UBXN7: variants seen among roughly 807,000 people sequenced by gnomAD.
UBXN7 encodes the protein UBX domain protein 7, also known as UBX domain-containing protein 7.
A neutral mutation model predicts 58.0 loss-of-function variants in UBXN7; 9 were observed. That is an observed-to-expected ratio of 0.16 (90% confidence interval 0.09 to 0.27). UBXN7 has a LOEUF of 0.27. Ranked by LOEUF, UBXN7 falls within the 10% of genes least tolerant of loss-of-function variation. The probability of loss-of-function intolerance (pLI) is 1.00; values close to 1 mark genes in which losing one functional copy is unlikely to be tolerated. For synonymous variants in UBXN7, 208 were observed against 205.0 expected (o/e 1.01, Z -0.12); for missense variants, 328 against 599.6 (o/e 0.55, Z 4.73).
chr3:196,401,298 T>TATACACACAC (rs1269101481), intron 3 of UBXN7, among the ~76,000 whole-genome samples: 6 of 61,688 alleles, frequency 9.7e-5, no homozygotes, highest in African/African-American at 5.2e-4. Flanking sequence ...TATATATATA[T>TATACACACAC]ACACACACAC....
intron 1 of UBXN7, among the ~76,000 whole-genome samples, chr3:196,428,831 A>G (rs1467304039): frequency 6.6e-6 from 1 of 151,742 alleles, no homozygotes; most frequent in Non-Finnish European, 1.5e-5. Flanking sequence ...CTCAAAAAAA[A>G]AAAAAAAAGT....
intron 5 of UBXN7, among the ~76,000 whole-genome samples, chr3:196,381,382 T>G (rs1560226312): frequency 6.6e-6 from 1 of 152,224 alleles, no homozygotes; most frequent in Non-Finnish European, 1.5e-5. Context: ...CCAACAGACC[T>G]ACAGCTGAGG....
intron 8 of UBXN7, among the ~76,000 whole-genome samples, chr3:196,365,184 T>C (rs1328275923): frequency 6.7e-6 from 1 of 148,672 alleles, no homozygotes; most frequent in Non-Finnish European, 1.5e-5. Flanking sequence ...CGAAAAATTA[T>C]AGAATTAAAT....
intron 3 of UBXN7, among the ~76,000 whole-genome samples, chr3:196,395,321 A>G (rs1423928270): frequency 1.3e-5 from 2 of 152,078 alleles, no homozygotes; most frequent in African/African-American, 2.4e-5. Flanking sequence ...CATATTAAAA[A>G]CTTCATTTTT....
chr3:196,388,026 A>G (rs1039625941), intron 5 of UBXN7, among the ~76,000 whole-genome samples: 5 of 152,148 alleles, frequency 3.3e-5, no homozygotes, highest in Non-Finnish European at 5.9e-5. Context: ...CACAACAGCA[A>G]AGACTTGGAA....
intron 5 of UBXN7, among the ~76,000 whole-genome samples, chr3:196,382,547 A>C (rs1729239102): frequency 6.6e-6 from 1 of 152,250 alleles, no homozygotes; most frequent in Non-Finnish European, 1.5e-5. Context: ...CCAAATTGTA[A>C]AGACCATTGA....
At chr3:196,385,659 C>A (rs1171519747) in intron 5 of UBXN7, among the ~76,000 whole-genome samples, 4 of 151,854 alleles carry the variant, frequency 2.6e-5, no homozygotes, top group African/African-American at 9.7e-5. Flanking sequence ...CCGGCCGCCC[C>A]CTCTGAGAAG....
At position 196,351,113 on chromosome 3, in the gene UBXN7, A is replaced by C. The variant is rs1358162483; in HGVS notation, c.*5572T>G. Reference sequence around the variant, plus strand: ...GGCAGAGAGACGGTAAGAATGACATAATAAAGATACATTCTGTGGAATAAA... The same window carrying C: ...GGCAGAGAGACGGTAAGAATGACATCATAAAGATACATTCTGTGGAATAAA... On this transcript the variant is annotated 3_prime_UTR_variant, in exon 11 of 11. Transcript: ENST00000296328. The C allele has an allele frequency of 6.6e-6, 1 of 152,252 alleles. No homozygotes were observed. Among genetic ancestry groups the C allele is most frequent in the African/African-American group, 2.4e-5 (1 of 41,470 alleles). 9.4% of individuals were successfully genotyped at this position (152,252 alleles called of 1,614,324 possible).
chr3:196,379,451 T>A (rs1326905264), intron 5 of UBXN7, among the ~76,000 whole-genome samples: 1 of 152,196 alleles, frequency 6.6e-6, no homozygotes, highest in African/African-American at 2.4e-5. Context: ...CTATTCAAAA[T>A]GGAGTTGCTC....
chr3:196,383,364 C>A (rs1729275177), intron 5 of UBXN7, among the ~76,000 whole-genome samples: 1 of 152,036 alleles, frequency 6.6e-6, no homozygotes, highest in African/African-American at 2.4e-5. Context: ...ATTTAACACC[C>A]CACTGTCAAT....
At position 196,402,974 on chromosome 3, in the gene UBXN7, C is replaced by T. The variant is rs1730039700; in HGVS notation, c.267G>A (p.Val89=). ...TACCACCAAATAATGGTTCTGGTTC[C>T]ACCAGTATTTCCTGCTTTTGAGGAA... ...APIPQKQEIL[V]EPEPLFGAPK... Residue 89 remains valine, a synonymous_variant, in exon 3 of 11, where the codon GTG becomes GTA. Transcript: ENST00000296328. 1 of 1,598,262 alleles carries T rather than the reference C, an allele frequency of 6.3e-7. No individual in the cohort carries two copies. The highest frequency in any genetic ancestry group is 8.5e-7 in the Non-Finnish European group (1 of 1,176,612).
At chr3:196,375,942 T>C (rs1439854407) in intron 5 of UBXN7, among the ~76,000 whole-genome samples, 1 of 152,206 alleles carries the variant, frequency 6.6e-6, no homozygotes, top group Non-Finnish European at 1.5e-5. Context: ...GGTACAAGTA[T>C]TGCTTGAATC....
In UBXN7 at chr3:196,367,957, G is replaced by T. The variant is rs1026560788; in HGVS notation, c.834+71C>A. On this transcript the variant is annotated intron_variant, in intron 8 of 10. Coordinates refer to ENST00000296328, the MANE Select transcript of UBXN7 (RefSeq NM_015562.2). ...AGATTATCTTTACCATCTTAACATC[G>T]AACATTTTATATAAGATGCTTATGA... 5 of 1,551,538 alleles carry T rather than the reference G, an allele frequency of 3.2e-6. No individual in the cohort carries two copies. In the African/African-American group the frequency reaches 5.5e-5, roughly 17 times the overall value.
Position 196,362,528 on chromosome 3 carries a change from C to G in UBXN7, c.994G>C (p.Val332Leu), listed in dbSNP as rs377073569. 7 of 1,614,022 alleles carry G rather than the reference C, an allele frequency of 4.3e-6. No homozygotes were observed. The African/African-American group carries it at 9.3e-5, about 22-fold the overall frequency. ...LFSGSEEFIS[V>L]CGSDEEEEVE... is the part of the protein sequence containing the mutation. ...TCTTCTTCTTCATCAGAGCCACAAA[C>G]GGATATGAACTCCTCACTGCCAGAA... The change falls in exon 9 of 11, where the codon GTT becomes CTT. Residue 332 changes from valine (V) to leucine (L), a missense_variant. Val to Leu is a conservative substitution (Grantham distance 32). This residue lies in a region of UBXN7 where 126 missense variants were observed against 302.6 expected (regional missense o/e 0.42). Transcript: ENST00000296328.
intron 4 of UBXN7, among the ~76,000 whole-genome samples, chr3:196,392,247 A>G (rs1018344109): frequency 6.6e-6 from 1 of 152,058 alleles, no homozygotes; most frequent in African/African-American, 2.4e-5. Context: ...CATGTCTATA[A>G]TTCTAGAACT....
At chr3:196,360,745 C>T (rs1728484036) in intron 10 of UBXN7, among the ~76,000 whole-genome samples, 1 of 152,188 alleles carries the variant, frequency 6.6e-6, no homozygotes, top group South Asian at 2.1e-4. Context: ...TTAAGAAACA[C>T]ATTTTGGCCA....
intron 5 of UBXN7, among the ~76,000 whole-genome samples, chr3:196,376,444 G>A (rs1420520244): frequency 2.0e-5 from 3 of 150,386 alleles, no homozygotes; most frequent in Admixed American, 1.3e-4. Context: ...TACTCGGGAG[G>A]GTGAGACAGG....
intron 1 of UBXN7, among the ~76,000 whole-genome samples, chr3:196,412,323 C>T (rs1171323099): frequency 2.0e-5 from 3 of 151,690 alleles, no homozygotes; most frequent in African/African-American, 4.8e-5. Context: ...AAGAAAGCAC[C>T]TGATCATTTC....
intron 1 of UBXN7, chr3:196,416,354 C>G (rs999625831): frequency 6.6e-6 from 1 of 152,090 alleles, no homozygotes; most frequent in African/African-American, 2.4e-5. Flanking sequence ...TTACTTGAAC[C>G]CAGGAGGCAG....
Sources: gnomAD v4.1 joint callset for allele counts (sites outside exome capture counted in the v4.1 genomes callset) on GRCh38, gnomAD v4.1.1 for gene constraint, gnomAD v4.1.1 regional missense constraint, MANE v1.5 for transcripts, NCBI Gene and HGNC (gene_info 2026-07-23, HGNC 2026-07-21) for gene names.